Variants in TTBK2 observed in about 807,000 individuals in gnomAD.
The protein encoded by TTBK2 is tau tubulin kinase 2.
TTBK2 carries 28 observed loss-of-function variants against 110.8 expected under a neutral mutation model. The ratio of observed to expected loss-of-function variants is 0.25; its 90% CI spans 0.19 to 0.35. The LOEUF (loss-of-function observed/expected upper bound fraction) is 0.35. TTBK2 is among the 10% of genes least tolerant of loss of function. The pLI, the probability that TTBK2 is intolerant of heterozygous loss-of-function variation, is 1.00. For synonymous variants in TTBK2, 532 were observed against 527.3 expected, an observed-to-expected ratio of 1.01 and a Z score of -0.12; for missense variants, 1,369 against 1,500.3, an observed-to-expected ratio of 0.91 and a Z score of 1.45.
rs1401973639 is a variant in TTBK2, at chr15:42,744,337, C to T, written c.*1458G>A. 2 of 148,282 alleles carry T rather than the reference C, an allele frequency of 1.3e-5. No homozygotes were observed. The highest frequency in any genetic ancestry group is 2.5e-5 in the African/African-American group (1 of 40,394). 9.2% of individuals were successfully genotyped at this position (148,282 alleles called of 1,614,324 possible). ...ACTTGGGGAGGAAATGTATTCCTTT[C>T]TTTTTTTTTTGTTTCCCAATTCAAC... On this transcript the variant is annotated 3_prime_UTR_variant, in exon 15 of 15. Coordinates refer to ENST00000267890, the MANE Select transcript of TTBK2 (RefSeq NM_173500.4).
intron 4 of TTBK2, 112 bp from the exon 5 acceptor site, chr15:42,830,190 A>AT (rs397853724): frequency 0.087 from 92,687 of 1,063,084 alleles, 1 homozygote; most frequent in Non-Finnish European, 0.093. Context: ...AATAGCAAGA[A>AT]TTTTTTTTTT....
chr15:42,750,124 C>T (rs978207847), intron 14 of TTBK2, among the ~76,000 whole-genome samples: 5 of 151,714 alleles, frequency 3.3e-5, no homozygotes, highest in Admixed American at 6.6e-5. Context: ...CAGCAAATCC[C>T]GAAGAAAGGG....
At chr15:42,755,443 T>C (rs1481840184) in intron 13 of TTBK2, among the ~76,000 whole-genome samples, 6 of 152,170 alleles carry the variant, frequency 3.9e-5, no homozygotes, top group Admixed American at 3.9e-4. Flanking sequence ...GGAATACTAT[T>C]AGTTGGACAT....
At chr15:42,860,957 G>C (rs1165277072) in intron 3 of TTBK2, among the ~76,000 whole-genome samples, 1 of 151,746 alleles carries the variant, frequency 6.6e-6, no homozygotes, top group Non-Finnish European at 1.5e-5. Flanking sequence ...CCTAAAGCTG[G>C]GTATTCTTAT....
intron 2 of TTBK2, 65 bp downstream of exon 2, chr15:42,878,484 G>A (rs907055947): frequency 7.2e-6 from 11 of 1,519,852 alleles, no homozygotes; most frequent in East Asian, 4.8e-5. Context: ...ATTACCCCCC[G>A]ATATGTATAC....
chr15:42,879,713 C>A (rs1376415845), intron 1 of TTBK2, among the ~76,000 whole-genome samples: 1 of 150,610 alleles, frequency 6.6e-6, no homozygotes, highest in Non-Finnish European at 1.5e-5. Context: ...GCAAAAAAAA[C>A]AGGCCAGGAG....
chr15:42,801,412 G>A (rs376629186), intron 9 of TTBK2: 4 of 1,132,316 alleles, frequency 3.5e-6, no homozygotes, highest in Non-Finnish European at 4.0e-6. Context: ...GTATCTGCGT[G>A]GCAGCCTCCA....
chr15:42,783,369 C>A (rs186545207), intron 11 of TTBK2, 50 bp downstream of exon 11: 7 of 1,580,482 alleles, frequency 4.4e-6, no homozygotes, highest in Admixed American at 3.3e-5. Flanking sequence ...GACTTCCCAG[C>A]CTTCTGAACT....
At chr15:42,807,362 C>T (rs1891510820) in intron 9 of TTBK2, among the ~76,000 whole-genome samples, 1 of 152,022 alleles carries the variant, frequency 6.6e-6, no homozygotes, top group Non-Finnish European at 1.5e-5. Flanking sequence ...CAAATTTGAA[C>T]ACTCTAATAA....
intron 3 of TTBK2, among the ~76,000 whole-genome samples, chr15:42,853,696 C>A (rs1349970886): frequency 6.6e-6 from 1 of 151,988 alleles, no homozygotes; most frequent in African/African-American, 2.4e-5. Flanking sequence ...TTAAATATAA[C>A]CAACATCGTC....
At chr15:42,878,789 G>C (rs747914335) in intron 1 of TTBK2, 105 bp from the exon 2 acceptor site, 27 of 1,396,568 alleles carry the variant, frequency 1.9e-5, no homozygotes, top group Non-Finnish European at 2.5e-5. Context: ...ACACTAATTA[G>C]GCTATTTTGT....
At position 42,903,761 on chromosome 15, in the gene TTBK2, C is replaced by T. The variant is rs565848366; in HGVS notation, c.-68+16677G>A. On this transcript the variant is annotated intron_variant, in intron 1 of 14. Coordinates refer to ENST00000267890, the MANE Select transcript of TTBK2 (RefSeq NM_173500.4). ...GTGTGGGCTGTATTTAGTGACTTAC[C>T]GCTAATGAACAGAATACAGCAAAAG... Among the ~76,000 whole-genome samples the T allele has an allele frequency of 5.5e-4, 83 of 152,230 alleles. No homozygotes were observed. In the South Asian group the frequency reaches 0.014, roughly 26 times the overall value.
intron 7 of TTBK2, among the ~76,000 whole-genome samples, chr15:42,816,561 G>C (rs1892036199): frequency 6.6e-6 from 1 of 151,908 alleles, no homozygotes; most frequent in African/African-American, 2.4e-5. Flanking sequence ...TATCATTAGT[G>C]CCACACAAGA....
At chr15:42,914,828 T>C (rs1237389463) in intron 1 of TTBK2, among the ~76,000 whole-genome samples, 1 of 152,228 alleles carries the variant, frequency 6.6e-6, no homozygotes, top group African/African-American at 2.4e-5. Context: ...AAACAGAAAC[T>C]TCTTCCCTGA....
chr15:42,782,241 T>G (rs1475800220), intron 11 of TTBK2, among the ~76,000 whole-genome samples: 3 of 152,108 alleles, frequency 2.0e-5, no homozygotes, highest in African/African-American at 7.2e-5. Flanking sequence ...CCTGCTAATT[T>G]TTGTATTTTT....
At chr15:42,816,779 C>G (rs1273840862) in intron 7 of TTBK2, among the ~76,000 whole-genome samples, 1 of 151,828 alleles carries the variant, frequency 6.6e-6, no homozygotes, top group Non-Finnish European at 1.5e-5. Context: ...ATTAGCTGGG[C>G]GTGGTGGCGG....
At chr15:42,746,632 C>G (rs1456571920) in intron 14 of TTBK2, among the ~76,000 whole-genome samples, 5 of 152,104 alleles carry the variant, frequency 3.3e-5, no homozygotes, top group Admixed American at 3.3e-4. Flanking sequence ...CATGTTAGCA[C>G]ATAAGACAGA....
At chr15:42,769,987 C>T (rs1046116288) in intron 13 of TTBK2, among the ~76,000 whole-genome samples, 2 of 151,486 alleles carry the variant, frequency 1.3e-5, no homozygotes, top group Non-Finnish European at 2.9e-5. Flanking sequence ...TCATTCTCAG[C>T]AAACTATCAC....
intron 13 of TTBK2, among the ~76,000 whole-genome samples, chr15:42,756,581 G>A (rs2061950599): frequency 6.6e-6 from 1 of 152,004 alleles, no homozygotes; most frequent in Non-Finnish European, 1.5e-5. Context: ...GCGACACTCT[G>A]TCTCAAAACA....
Sources: allele counts gnomAD v4.1 joint callset (sites outside exome capture counted in the v4.1 genomes callset), GRCh38; gene constraint gnomAD v4.1.1; transcripts MANE v1.5; gene names NCBI Gene and HGNC (gene_info 2026-07-23, HGNC 2026-07-21).